STK39: variants seen among roughly 807,000 people sequenced by gnomAD.
STK39 encodes the protein STE20/SPS1-related proline-alanine-rich protein kinase.
In STK39, 20 loss-of-function variants were observed where a neutral mutation model predicts 77.8. The observed-to-expected ratio is 0.26, with a 90% CI of 0.18 to 0.37. STK39 has a LOEUF of 0.37. Among genes scored for constraint, STK39 ranks in the 10% least tolerant of loss-of-function variants. The pLI is 1.00. For missense variants in STK39, 479 were observed against 656.5 expected (o/e 0.73, Z 2.95); for synonymous variants, 246 against 234.1 (o/e 1.05, Z -0.47).
At chr2:168,169,839 C>T (rs2105602792) in intron 2 of STK39, among the ~76,000 whole-genome samples, 1 of 152,282 alleles carries the variant, frequency 6.6e-6, no homozygotes, top group African/African-American at 2.4e-5. Context: ...AGTATAAGGA[C>T]AGGTAAAAGA....
chr2:167,981,216 T>C (rs1203506246), intron 16 of STK39, among the ~76,000 whole-genome samples: 2 of 152,238 alleles, frequency 1.3e-5, no homozygotes, highest in African/African-American at 4.8e-5. Flanking sequence ...CACCAGAATG[T>C]AAGTCAACCA....
At chr2:168,087,086 G>A (rs1347230804) in intron 10 of STK39, among the ~76,000 whole-genome samples, 1 of 152,192 alleles carries the variant, frequency 6.6e-6, no homozygotes, top group African/African-American at 2.4e-5. Context: ...GTCCTGGTAA[G>A]ACAAATAGCA....
Position 167,954,728 on chromosome 2 carries a change from C to T in STK39, c.*768G>A, listed in dbSNP as rs200978934. On this transcript the variant is annotated 3_prime_UTR_variant, in exon 18 of 18. Transcript: ENST00000355999. ...GAAAGTTTGCAAGGCACCTCCCTCT[C>T]CCAAGAGACAGTCAGATTGTAAATT... The T allele has an allele frequency of 7.3e-4, 112 of 152,714 alleles. 1 individual carries two copies. The highest frequency in any genetic ancestry group is 2.6e-3 in the African/African-American group (106 of 41,560). The allele number at this position is 152,714 out of a possible 1,614,324, so 9.5% of individuals were successfully genotyped here. A position where few individuals can be genotyped will look rare whatever the true frequency, so the allele number is the denominator to read the frequency against.
At chr2:168,228,827 A>C (rs936249548) in intron 1 of STK39, among the ~76,000 whole-genome samples, 10 of 152,118 alleles carry the variant, frequency 6.6e-5, no homozygotes, top group African/African-American at 2.2e-4. Context: ...ATTTTTAATA[A>C]CCTCAGAGAT....
intron 15 of STK39, among the ~76,000 whole-genome samples, chr2:168,013,848 A>G (rs73029006): frequency 0.23 from 33,701 of 149,368 alleles, 4,749 homozygotes; most frequent in African/African-American, 0.41. Flanking sequence ...GTGTTTGCAT[A>G]TGTGCATATA....
chr2:168,067,922 T>C (rs116702811), intron 12 of STK39, among the ~76,000 whole-genome samples: 3,343 of 152,212 alleles, frequency 0.022, 135 homozygotes, highest in African/African-American at 0.077. Flanking sequence ...AGGGGGTTAA[T>C]AGACTCGCAG....
At chr2:168,019,512 G>A (rs1381265324) in intron 14 of STK39, among the ~76,000 whole-genome samples, 1 of 152,072 alleles carries the variant, frequency 6.6e-6, no homozygotes, top group East Asian at 1.9e-4. Flanking sequence ...GCGAAGATAT[G>A]GAGGGATTAC....
At chr2:168,101,210 G>T (rs983695508) in intron 10 of STK39, among the ~76,000 whole-genome samples, 3 of 152,130 alleles carry the variant, frequency 2.0e-5, no homozygotes, top group Non-Finnish European at 4.4e-5. Flanking sequence ...CTTGTCGGGG[G>T]TTAGGGGCAA....
At chr2:168,090,897 T>A (rs1433302510) in intron 10 of STK39, among the ~76,000 whole-genome samples, 2 of 152,074 alleles carry the variant, frequency 1.3e-5, no homozygotes, top group Admixed American at 6.5e-5. Flanking sequence ...CCTCTAAGTA[T>A]CTTGAAGATA....
At chr2:168,105,049 T>C (rs1272521052) in intron 10 of STK39, among the ~76,000 whole-genome samples, 1 of 152,206 alleles carries the variant, frequency 6.6e-6, no homozygotes, top group East Asian at 1.9e-4. Flanking sequence ...ACATTACCTT[T>C]TGGAGTTAAA....
chr2:168,199,138 T>C (rs1689547621), intron 1 of STK39, among the ~76,000 whole-genome samples: 1 of 152,202 alleles, frequency 6.6e-6, no homozygotes, highest in Non-Finnish European at 1.5e-5. Context: ...ATATTCCTTA[T>C]ACCCTGATAC....
chr2:168,223,510 CAAAA>C (rs60067513), intron 1 of STK39, among the ~76,000 whole-genome samples: 1 of 102,216 alleles, frequency 9.8e-6, no homozygotes, highest in Non-Finnish European at 1.9e-5. Context: ...GACTCCGTCT[CAAAA>C]AAAAAAAAAA....
rs568206768 is a variant in STK39 at position 168,034,926 on chromosome 2, T to G, written c.1377-17831A>C. 2.0e-5 allele frequency among the ~76,000 whole-genome samples: 3 copies of G among 152,250 alleles called. No individual in the cohort carries two copies. In the East Asian group the frequency reaches 5.8e-4, roughly 29 times the overall value. Reference sequence around the variant, plus strand: ...ATTTTTATCTGCATCTCAGCAATAGTGACCTCCTTCAGCCTGTTGATGTGG... The same window carrying G: ...ATTTTTATCTGCATCTCAGCAATAGGGACCTCCTTCAGCCTGTTGATGTGG... On this transcript the variant is annotated intron_variant, in intron 14 of 17. Transcript: ENST00000355999.
chr2:168,223,510 CA>C (rs60067513), intron 1 of STK39, among the ~76,000 whole-genome samples: 46,228 of 101,814 alleles, frequency 0.45, 6,983 homozygotes, highest in Middle Eastern at 0.53. Context: ...GACTCCGTCT[CA>C]AAAAAAAAAA....
chr2:168,080,292 C>T lies in STK39; in HGVS notation c.1090-5061G>A, dbSNP rs187887313. 2.1e-3 allele frequency among the ~76,000 whole-genome samples: 323 copies of T among 152,226 alleles called. 3 individuals are homozygous for T. The highest frequency in any genetic ancestry group is 7.4e-3 in the African/African-American group (306 of 41,538). On this transcript the variant is annotated intron_variant, in intron 10 of 17. Coordinates refer to ENST00000355999, the MANE Select transcript of STK39 (RefSeq NM_013233.3). Reference sequence around the variant, plus strand: ...AAGGCATTCAGTTTTAAAAGGGAAACAGCATAAAAGTTTGGAAAATTTGCA... The same window carrying T: ...AAGGCATTCAGTTTTAAAAGGGAAATAGCATAAAAGTTTGGAAAATTTGCA...
intron 1 of STK39, among the ~76,000 whole-genome samples, chr2:168,206,021 T>G (rs1306243024): frequency 6.6e-6 from 1 of 152,120 alleles, no homozygotes; most frequent in African/African-American, 2.4e-5. Context: ...TTTAAACAGA[T>G]TTTCAAATCA....
At chr2:168,152,310 G>A (rs1380670789) in intron 5 of STK39, among the ~76,000 whole-genome samples, 1 of 152,190 alleles carries the variant, frequency 6.6e-6, no homozygotes, top group Non-Finnish European at 1.5e-5. Context: ...CAGAGGCTTG[G>A]CTTACTCTCC....
chr2:168,228,000 T>A (rs1167830776), intron 1 of STK39, among the ~76,000 whole-genome samples: 1 of 152,138 alleles, frequency 6.6e-6, no homozygotes, highest in Non-Finnish European at 1.5e-5. Flanking sequence ...AATATCAGAA[T>A]AAGGTGATCC....
At chr2:168,107,654 C>CT (rs1349072940) in intron 10 of STK39, among the ~76,000 whole-genome samples, 4 of 152,176 alleles carry the variant, frequency 2.6e-5, no homozygotes, top group African/African-American at 9.7e-5. Context: ...AATAGCCAGC[C>CT]TTTTCTCTGC....
Sources: allele counts gnomAD v4.1 joint callset (sites outside exome capture counted in the v4.1 genomes callset), GRCh38; gene constraint gnomAD v4.1.1; transcripts MANE v1.5; gene names NCBI Gene and HGNC (gene_info 2026-07-23, HGNC 2026-07-21).